Variants in DENND2B observed in about 807,000 individuals in gnomAD.
The protein encoded by DENND2B is DENN domain-containing protein 2B.
Under a neutral mutation model 116.0 loss-of-function variants are expected in DENND2B, and 32 were observed. The observed-to-expected ratio is 0.28, with a 90% CI of 0.21 to 0.37. The LOEUF is 0.37. DENND2B is among the 10% of genes least tolerant of loss of function. The pLI is 1.00. For synonymous variants in DENND2B, 588 were observed against 583.9 expected, an observed-to-expected ratio of 1.01 and a Z score of -0.10; for missense variants, 1,276 against 1,477.7, an observed-to-expected ratio of 0.86 and a Z score of 2.24.
intron 4 of DENND2B, among the ~76,000 whole-genome samples, chr11:8,723,036 GAA>G (rs1483041679): frequency 6.6e-6 from 1 of 152,102 alleles, no homozygotes; most frequent in Non-Finnish European, 1.5e-5. Context: ...ACCCAGAGTG[GAA>G]GAGAGTCCTC....
chr11:8,854,510 C>G (rs2063128731), intron 3 of DENND2B, among the ~76,000 whole-genome samples: 1 of 151,964 alleles, frequency 6.6e-6, no homozygotes, highest in Non-Finnish European at 1.5e-5. Context: ...CCTAAAAGAA[C>G]CAATTTAAAG....
Position 8,699,297 on chromosome 11 carries a change from A to G in DENND2B, c.2814T>C (p.Ile938=). Residue 938 remains isoleucine, a synonymous_variant, in exon 15 of 20, where the codon ATT becomes ATC. Coordinates refer to ENST00000313726, the MANE Select transcript of DENND2B (RefSeq NM_213618.2). ...AGGGGGTGGGACAGCAGACGATGTCAATCATGGAGGCCGGGAGGACAGGAA... is the reference window on the plus strand; with the variant it reads ...AGGGGGTGGGACAGCAGACGATGTCGATCATGGAGGCCGGGAGGACAGGAA... ...TFIPVLPASM[I]DIVCCPTPFL... is the part of the protein sequence containing the mutation. 1 of 1,604,722 alleles carries G rather than the reference A, an allele frequency of 6.2e-7. No individual in the cohort carries two copies. Among genetic ancestry groups the G allele is most frequent in the Non-Finnish European group, 8.5e-7 (1 of 1,177,804 alleles).
intron 1 of DENND2B, among the ~76,000 whole-genome samples, chr11:8,905,019 C>T: frequency 6.6e-6 from 1 of 152,084 alleles, no homozygotes; most frequent in Admixed American, 6.5e-5. Context: ...ATCAAAACAT[C>T]AACAGTTGTT....
In DENND2B at chr11:8,702,629, C is replaced by A. The variant is rs746144361; in HGVS notation, c.2663G>T (p.Arg888Leu). The A allele has an allele frequency of 1.9e-6, 3 of 1,613,854 alleles. No homozygotes were observed. Among genetic ancestry groups the A allele is most frequent in the Non-Finnish European group, 2.5e-6 (3 of 1,180,038 alleles). Residue 888 changes from arginine (R) to leucine (L), a missense_variant, in exon 14 of 20, where the codon CGA becomes CTA. Transcript: ENST00000313726. The surrounding 1 kb of genome is among the most constrained non-coding windows in gnomAD (Gnocchi z 4.6). ...CTCCAGCAGCAGTGAGGCAAAGATT[C>A]GGATGAGCTGGCGCACACTGAGGCA... Reference protein sequence around the residue: ...FTCLSVRQLIRIFASLLLERR... With the variant: ...FTCLSVRQLILIFASLLLERR...
intron 1 of DENND2B, among the ~76,000 whole-genome samples, chr11:8,791,654 C>T (rs971386419): frequency 6.6e-6 from 1 of 151,782 alleles, no homozygotes; most frequent in South Asian, 2.1e-4. Context: ...GTAGTCCCAC[C>T]TACTTGGGAG....
chr11:8,729,534 T>G (rs377740455), intron 3 of DENND2B, among the ~76,000 whole-genome samples: 1 of 152,210 alleles, frequency 6.6e-6, no homozygotes, highest in East Asian at 1.9e-4. Context: ...CAGATAATGC[T>G]TCATTCAAAG....
chr11:8,720,366 G>GC (rs2045946888), intron 4 of DENND2B, among the ~76,000 whole-genome samples: 1 of 152,060 alleles, frequency 6.6e-6, no homozygotes, highest in Non-Finnish European at 1.5e-5. Flanking sequence ...GGATACTGAG[G>GC]CCCAGGGAAG....
chr11:8,729,897 T>C, intron 3 of DENND2B, 53 bp downstream of exon 3: 9 of 1,588,808 alleles, frequency 5.7e-6, no homozygotes. Context: ...CACTGTCCAT[T>C]TAAAAGAAAG....
chr11:8,758,055 CAG>C (rs1048975163), intron 1 of DENND2B, among the ~76,000 whole-genome samples: 3 of 152,168 alleles, frequency 2.0e-5, no homozygotes, highest in Non-Finnish European at 4.4e-5. Context: ...CTTTAAAATG[CAG>C]AGTCCCAGGC....
intron 1 of DENND2B, among the ~76,000 whole-genome samples, chr11:8,887,104 A>G (rs187658622): frequency 8.6e-4 from 131 of 152,332 alleles, no homozygotes; most frequent in Non-Finnish European, 1.3e-3. Context: ...CTGGGATTAC[A>G]GCACGGTGAG....
chr11:8,775,323 G>A (rs755292123), intron 1 of DENND2B, among the ~76,000 whole-genome samples: 4 of 152,124 alleles, frequency 2.6e-5, no homozygotes, highest in Admixed American at 2.6e-4. Flanking sequence ...ACTCTCCCAA[G>A]ACAAAAGAGA....
intron 13 of DENND2B, among the ~76,000 whole-genome samples, chr11:8,705,657 TCTC>T (rs202089725): frequency 0.037 from 5,614 of 152,250 alleles, 134 homozygotes; most frequent in South Asian, 0.077. Flanking sequence ...ATTACCTGCT[TCTC>T]CTTCACGAGC....
At chr11:8,799,801 C>G (rs915460903) in intron 1 of DENND2B, among the ~76,000 whole-genome samples, 1 of 151,866 alleles carries the variant, frequency 6.6e-6, no homozygotes, top group African/African-American at 2.4e-5. Context: ...ACTGGCATTC[C>G]TTTTTGCTAA....
At chr11:8,748,698 C>CT (rs2051767036) in intron 2 of DENND2B, among the ~76,000 whole-genome samples, 1 of 150,728 alleles carries the variant, frequency 6.6e-6, no homozygotes, top group Non-Finnish European at 1.5e-5. Context: ...AGGAAAGGTG[C>CT]TTTTTTTAGG....
At chr11:8,776,107 T>A (rs1459073082) in intron 1 of DENND2B, 37 of 412,802 alleles carry the variant, frequency 9.0e-5, no homozygotes, top group Non-Finnish European at 1.8e-4. Context: ...CACACAGAGA[T>A]ACACAGACTT....
chr11:8,831,743 A>C (rs1277864459), intron 4 of DENND2B: 40 of 152,310 alleles, frequency 2.6e-4, no homozygotes, highest in African/African-American at 9.1e-4. Context: ...TCACTCCCTA[A>C]ATAATTAAAA....
At chr11:8,748,886 T>C (rs895977222) in intron 2 of DENND2B, among the ~76,000 whole-genome samples, 2 of 151,852 alleles carry the variant, frequency 1.3e-5, no homozygotes, top group African/African-American at 2.4e-5. Context: ...TTGATGTAAA[T>C]ACTGCCCCTC....
chr11:8,711,285 T>TGGC (rs1437586634), intron 9 of DENND2B, 54 bp from the exon 10 acceptor site: 1 of 1,544,114 alleles, frequency 6.5e-7, no homozygotes, highest in Admixed American at 1.7e-5. Flanking sequence ...CGGGTGGTGG[T>TGGC]GGCTGAGAAG....
At chr11:8,877,927 AAAC>A (rs1430733308) in intron 2 of DENND2B, among the ~76,000 whole-genome samples, 2 of 152,244 alleles carry the variant, frequency 1.3e-5, no homozygotes, top group East Asian at 1.9e-4. Context: ...AGGCATTAAT[AAAC>A]AACTACTCAA....
Sources: gnomAD v4.1 joint callset for allele counts (sites outside exome capture counted in the v4.1 genomes callset) on GRCh38, gnomAD v4.1.1 for gene constraint, Gnocchi (gnomAD v3.1) non-coding constraint, MANE v1.5 for transcripts, NCBI Gene and HGNC (gene_info 2026-07-23, HGNC 2026-07-21) for gene names.